EPHA3: variants seen among roughly 807,000 people sequenced by gnomAD.
EPHA3 encodes EPH receptor A3.
Under a neutral mutation model 107.1 loss-of-function variants are expected in EPHA3, and 42 were observed. The observed-to-expected ratio is 0.39, with a 90% CI of 0.31 to 0.51. The LOEUF (loss-of-function observed/expected upper bound fraction) is 0.51. EPHA3 is among the 20% of genes least tolerant of loss of function. EPHA3 has a pLI of 0.78. For missense variants in EPHA3, 1,183 were observed against 1,211.2 expected (o/e 0.98, Z 0.35); for synonymous variants, 461 against 424.8 (o/e 1.09, Z -1.05).
At position 89,315,493 on chromosome 3, in the gene EPHA3, T is replaced by A. The variant is rs111965360; in HGVS notation, c.815-25423T>A. Among the ~76,000 whole-genome samples the A allele has an allele frequency of 4.7e-3, 707 of 151,936 alleles. 4 individuals are homozygous for A. Among genetic ancestry groups the A allele is most frequent in the African/African-American group, 0.016 (676 of 41,506 alleles). On this transcript the variant is annotated intron_variant, in intron 3 of 16. Coordinates refer to ENST00000336596, the MANE Select transcript of EPHA3 (RefSeq NM_005233.6). ...AGCGATTCATACAAATGTGTTACCA[T>A]TGATTTGGCTTAAAAATCACATTTA...
chr3:89,210,588 A>G lies in EPHA3; in HGVS notation c.814+68A>G. ...TATGAGTTTATCATAGTGTCATTAA[A>G]TGAAATGCACTCAGTCTCAACTCAC... On this transcript the variant is annotated intron_variant, in intron 3 of 16. Transcript: ENST00000336596. 7.5e-6 allele frequency: 11 copies of G among 1,458,884 alleles called. 1 individual carries two copies. The Admixed American group carries it at 1.0e-4, about 13-fold the overall frequency. The allele number at this position is 1,458,884 out of a possible 1,614,324, so 90.4% of individuals were successfully genotyped here. A position where few individuals can be genotyped will look rare whatever the true frequency, so the allele number is the denominator to read the frequency against.
In EPHA3 at chr3:89,419,202, C is replaced by T. The variant is rs1444245723; in HGVS notation, c.1889-3C>T. 1 of 1,589,998 alleles carries T rather than the reference C, an allele frequency of 6.3e-7. No homozygotes were observed. Among genetic ancestry groups the T allele is most frequent in the East Asian group, 2.2e-5 (1 of 44,650 alleles). ...ATTTTGTTGCTGTTCTGCTTTATAA[C>T]AGGTGAATTTGGAGAGGTGTGCAGT... On this transcript the variant is annotated splice_region_variant and splice_polypyrimidine_tract_variant and intron_variant, in intron 10 of 16. Coordinates refer to ENST00000336596, the MANE Select transcript of EPHA3 (RefSeq NM_005233.6).
At chr3:89,381,586 T>C (rs1708510159) in intron 5 of EPHA3, among the ~76,000 whole-genome samples, 1 of 151,868 alleles carries the variant, frequency 6.6e-6, no homozygotes, top group South Asian at 2.1e-4. Flanking sequence ...CGAGAATCAC[T>C]TGAACCTGGG....
chr3:89,448,672 T>G (rs1271142136), intron 13 of EPHA3, among the ~76,000 whole-genome samples: 1 of 152,190 alleles, frequency 6.6e-6, no homozygotes, highest in Non-Finnish European at 1.5e-5. Context: ...CACAGTAAAT[T>G]AATCAAGATG....
intron 3 of EPHA3, among the ~76,000 whole-genome samples, chr3:89,340,049 A>G (rs753740749): frequency 8.5e-5 from 13 of 152,354 alleles, no homozygotes; most frequent in Middle Eastern, 3.4e-3. Context: ...TGAATTTTCT[A>G]TCAGACAAAA....
intron 5 of EPHA3, among the ~76,000 whole-genome samples, chr3:89,386,847 G>A (rs1415460924): frequency 2.0e-5 from 3 of 152,230 alleles, no homozygotes; most frequent in Admixed American, 1.3e-4. Context: ...GGAGTCAAAA[G>A]AGATTATTTC....
rs561625366 is a variant in EPHA3, at chr3:89,429,655, A to G, written c.2136+488A>G. Among the ~76,000 whole-genome samples, 8 of 152,264 alleles carry G rather than the reference A, an allele frequency of 5.3e-5. No homozygotes were observed. In the East Asian group the frequency reaches 1.4e-3, roughly 26 times the overall value. On this transcript the variant is annotated intron_variant, in intron 12 of 16. Transcript: ENST00000336596. ...TATCATTTTGCTGTTAGATATGTAC[A>G]TTAATTTTTTAGATTGAGAAGCTTT...
chr3:89,285,667 T>C (rs34380401), intron 3 of EPHA3, among the ~76,000 whole-genome samples: 23,230 of 152,182 alleles, frequency 0.15, 1,845 homozygotes, highest in Middle Eastern at 0.25. Flanking sequence ...TTGGTATATT[T>C]CACGAATATT....
chr3:89,459,479 CTCCTTCCTTCTCTCCTTCCTTCCT>C, intron 15 of EPHA3, among the ~76,000 whole-genome samples: 1 of 144,408 alleles, frequency 6.9e-6, no homozygotes, highest in East Asian at 2.0e-4. Context: ...CCTTCCTTCT[CTCCTTCCTTCTCTCCTTCCTTCCT>C]TCCTTCCTTC....
At chr3:89,389,999 TAA>T (rs1393533712) in intron 5 of EPHA3, among the ~76,000 whole-genome samples, 3 of 152,088 alleles carry the variant, frequency 2.0e-5, no homozygotes, top group African/African-American at 7.2e-5. Flanking sequence ...TAACTTTTTT[TAA>T]ATTTTTTTGA....
chr3:89,388,122 G>T (rs1251544481), intron 5 of EPHA3, among the ~76,000 whole-genome samples: 1 of 152,086 alleles, frequency 6.6e-6, no homozygotes, highest in Non-Finnish European at 1.5e-5. Context: ...ATAGAGAGTA[G>T]TCTCTCTTCT....
At chr3:89,423,262 A>G (rs191965920) in intron 11 of EPHA3, among the ~76,000 whole-genome samples, 30 of 151,458 alleles carry the variant, frequency 2.0e-4, no homozygotes, top group East Asian at 1.9e-4. Flanking sequence ...GATGATTTTC[A>G]TAATTAAAAC....
intron 3 of EPHA3, among the ~76,000 whole-genome samples, chr3:89,281,201 G>A (rs1038436178): frequency 6.6e-6 from 1 of 151,900 alleles, no homozygotes; most frequent in African/African-American, 2.4e-5. Context: ...TTTCTTTTGT[G>A]TTTTAGTAGA....
intron 5 of EPHA3, among the ~76,000 whole-genome samples, chr3:89,344,615 G>A (rs534629016): frequency 6.6e-6 from 1 of 152,166 alleles, no homozygotes; most frequent in African/African-American, 2.4e-5. Flanking sequence ...AAGGTTAATG[G>A]ACTGGTAGCC....
chr3:89,208,460 A>AAGAAAGAAAG (rs1706172636), intron 2 of EPHA3, among the ~76,000 whole-genome samples: 1 of 104,998 alleles, frequency 9.5e-6, no homozygotes, highest in African/African-American at 5.4e-5. Flanking sequence ...GAAAGAAAGA[A>AAGAAAGAAAG]AGAAAGAAAG....
intron 3 of EPHA3, among the ~76,000 whole-genome samples, chr3:89,321,091 T>A (rs1331230267): frequency 6.6e-6 from 1 of 152,042 alleles, no homozygotes; most frequent in Non-Finnish European, 1.5e-5. Flanking sequence ...TATTCACACA[T>A]GTATGCGGAG....
At chr3:89,121,171 G>T (rs1707373567) in intron 1 of EPHA3, among the ~76,000 whole-genome samples, 1 of 152,194 alleles carries the variant, frequency 6.6e-6, no homozygotes, top group South Asian at 2.1e-4. Context: ...GTTAGGCGGA[G>T]CTGGCAGTGG....
At chr3:89,193,428 T>C (rs1705764949) in intron 2 of EPHA3, among the ~76,000 whole-genome samples, 1 of 152,110 alleles carries the variant, frequency 6.6e-6, no homozygotes, top group African/African-American at 2.4e-5. Context: ...AGAAAGATTT[T>C]CTTCATCCTT....
intron 7 of EPHA3, among the ~76,000 whole-genome samples, chr3:89,404,760 G>T (rs1709026078): frequency 6.6e-6 from 1 of 152,114 alleles, no homozygotes; most frequent in South Asian, 2.1e-4. Flanking sequence ...AACAGAAAAA[G>T]AAATAGATAA....
Sources: gnomAD v4.1 joint callset for allele counts (sites outside exome capture counted in the v4.1 genomes callset) on GRCh38, gnomAD v4.1.1 for gene constraint, MANE v1.5 for transcripts, NCBI Gene and HGNC (gene_info 2026-07-23, HGNC 2026-07-21) for gene names.